The following ARHGAP31 variants were observed in gnomAD, a reference collection of about 807,000 sequenced individuals.
ARHGAP31 encodes Rho GTPase activating protein 31, also known as rho GTPase-activating protein 31.
Under a neutral mutation model 113.9 loss-of-function variants are expected in ARHGAP31, and 34 were observed. That is an observed-to-expected ratio of 0.30 (90% CI 0.23 to 0.40). The LOEUF (loss-of-function observed/expected upper bound fraction) is 0.40, where lower values mean the gene tolerates loss of function less well. Ranked by LOEUF, ARHGAP31 falls within the 10% of genes least tolerant of loss-of-function variation. The pLI is 1.00. For missense variants in ARHGAP31, 1,548 were observed against 1,767.1 expected (o/e 0.88, Z 2.22); for synonymous variants, 650 against 684.8 (o/e 0.95, Z 0.79).
chr3:119,390,859 G>C lies in ARHGAP31; in HGVS notation c.757G>C (p.Ala253Pro). ...CATGAAGCTGGTGAGCCTTGAGGAAGCTCAAGCCCGCAGCCTGGCCACTAA... is the reference window on the plus strand; with the variant it reads ...CATGAAGCTGGTGAGCCTTGAGGAACCTCAAGCCCGCAGCCTGGCCACTAA... ...LPMKLVSLEE[A>P]QARSLATNHP... Residue 253 changes from alanine to proline, a missense_variant, in exon 7 of 12, where the codon GCT (alanine) becomes CCT (proline). By Grantham distance (27) the Ala-to-Pro change is conservative. Coordinates refer to ENST00000264245, the MANE Select transcript of ARHGAP31 (RefSeq NM_020754.4). 6.2e-7 allele frequency: 1 copy of C among 1,613,926 alleles called. No individual in the cohort carries two copies. The highest frequency in any genetic ancestry group is 8.5e-7 in the Non-Finnish European group (1 of 1,180,042).
intron 1 of ARHGAP31, among the ~76,000 whole-genome samples, chr3:119,323,476 C>G (rs1485789152): frequency 6.6e-6 from 1 of 152,186 alleles, no homozygotes; most frequent in Admixed American, 6.5e-5. Context: ...CGTTTCTTTC[C>G]TTTTTTCTTT....
intron 6 of ARHGAP31, among the ~76,000 whole-genome samples, chr3:119,387,909 G>A (rs961502755): frequency 6.6e-6 from 1 of 152,176 alleles, no homozygotes; most frequent in Non-Finnish European, 1.5e-5. Flanking sequence ...TGACTTGGGG[G>A]TATAATTTTG....
Position 119,408,198 on chromosome 3 carries a change from C to A in ARHGAP31, c.1646-1298C>A, listed in dbSNP as rs1342917572. 2.0e-5 allele frequency among the ~76,000 whole-genome samples: 3 copies of A among 152,132 alleles called. No homozygotes were observed. In the East Asian group the frequency reaches 5.8e-4, roughly 29 times the overall value. On this transcript the variant is annotated intron_variant, in intron 10 of 11. Coordinates refer to ENST00000264245, the MANE Select transcript of ARHGAP31 (RefSeq NM_020754.4). ...ATGGATTTTGGTATTGGGGGGAGGT[C>A]CTGGAACCAGTCGCCCCATGGATAC...
At chr3:119,309,054 C>T (rs545791661) in intron 1 of ARHGAP31, among the ~76,000 whole-genome samples, 30 of 152,248 alleles carry the variant, frequency 2.0e-4, no homozygotes, top group African/African-American at 7.0e-4. Flanking sequence ...GTTGCCCAGG[C>T]TGGTCTCAAA....
At chr3:119,392,436 A>G (rs2080512894) in intron 7 of ARHGAP31, among the ~76,000 whole-genome samples, 1 of 152,230 alleles carries the variant, frequency 6.6e-6, no homozygotes, top group Non-Finnish European at 1.5e-5. Context: ...TAACAGAGCG[A>G]GACCCTGTCT....
intron 1 of ARHGAP31, among the ~76,000 whole-genome samples, chr3:119,354,380 TAGAAAAGCAAAATTAAAAATAG>T (rs1205665394): frequency 2.0e-5 from 3 of 152,194 alleles, no homozygotes; most frequent in Non-Finnish European, 2.9e-5. Context: ...ACAGAAAATT[TAGAAAAGCAAAATTAAAAATAG>T]AGAAAAGCAA....
chr3:119,406,553 A>G (rs947971040), intron 10 of ARHGAP31, among the ~76,000 whole-genome samples: 1 of 152,202 alleles, frequency 6.6e-6, no homozygotes, highest in Non-Finnish European at 1.5e-5. Context: ...GTGAAGTTCT[A>G]TAGAGTCCAT....
In ARHGAP31 at chr3:119,359,410, A is replaced by AT. The variant is rs1242108452; in HGVS notation, c.101-5898dup. 9.2e-5 allele frequency among the ~76,000 whole-genome samples: 14 copies of AT among 151,788 alleles called. No homozygotes were observed. In the East Asian group the frequency reaches 1.2e-3, roughly 13 times the overall value. ...AGCCAAAGCCTCAACATATTTTTAA[A>AT]TTTTTTTTCTTAGAAAATTAGAAAG... On this transcript the variant is annotated intron_variant, in intron 1 of 11. Transcript: ENST00000264245.
At position 119,409,709 on chromosome 3, in the gene ARHGAP31, A is replaced by G. The variant is rs2080699175; in HGVS notation, c.1859A>G (p.Glu620Gly). The change falls in exon 11 of 12, where the codon GAG (glutamate) becomes GGG (glycine). Residue 620 changes from glutamate (E) to glycine (G), a missense_variant. By Grantham distance (98) the Glu-to-Gly change is moderately conservative. Transcript: ENST00000264245. ...GTGGAGGAGGGACGAGAGGCTGGTGAGATGGAGTCCAGCACCCTGCAGGAG... is the reference window on the plus strand; with the variant it reads ...GTGGAGGAGGGACGAGAGGCTGGTGGGATGGAGTCCAGCACCCTGCAGGAG... Reference protein sequence around the residue: ...KVVEEGREAGEMESSTLQESP... With the variant: ...KVVEEGREAGGMESSTLQESP... 1 of 1,609,898 alleles carries G rather than the reference A, an allele frequency of 6.2e-7. No homozygotes were observed. Among genetic ancestry groups the G allele is most frequent in the Non-Finnish European group, 8.5e-7 (1 of 1,178,380 alleles).
intron 1 of ARHGAP31, among the ~76,000 whole-genome samples, chr3:119,345,347 G>T (rs1296696811): frequency 6.6e-6 from 1 of 152,030 alleles, no homozygotes; most frequent in Admixed American, 6.6e-5. Context: ...AGCACAATCC[G>T]TAACTACACA....
intron 11 of ARHGAP31, 55 bp from the exon 12 acceptor site, chr3:119,413,800 AT>A (rs1403599674): frequency 6.2e-7 from 1 of 1,613,442 alleles, no homozygotes; most frequent in African/African-American, 1.3e-5. Flanking sequence ...GGAAACGCTG[AT>A]GTCAGCACCC....
chr3:119,369,207 C>T (rs1172901420), intron 3 of ARHGAP31, among the ~76,000 whole-genome samples: 1 of 152,146 alleles, frequency 6.6e-6, no homozygotes, highest in Non-Finnish European at 1.5e-5. Flanking sequence ...ATGGCTTGAA[C>T]ATTTGGCTGC....
chr3:119,296,391 G>C (rs1291346925), intron 1 of ARHGAP31, among the ~76,000 whole-genome samples: 4 of 152,178 alleles, frequency 2.6e-5, no homozygotes, highest in Non-Finnish European at 5.9e-5. Context: ...AAAATCACTT[G>C]GTTTGAGTTT....
intron 1 of ARHGAP31, among the ~76,000 whole-genome samples, chr3:119,346,657 T>C (rs2080060038): frequency 6.6e-6 from 1 of 152,228 alleles, no homozygotes; most frequent in Non-Finnish European, 1.5e-5. Context: ...AGGGTGTGTC[T>C]AAGCTTAAAT....
chr3:119,352,930 G>A (rs1057260048), intron 1 of ARHGAP31, among the ~76,000 whole-genome samples: 7 of 152,120 alleles, frequency 4.6e-5, no homozygotes, highest in African/African-American at 1.7e-4. Flanking sequence ...ATTATTTCTT[G>A]CCTTTCACCT....
intron 2 of ARHGAP31, among the ~76,000 whole-genome samples, chr3:119,367,865 G>GAAAAAAAAAAAAAAAAAAA (rs1421774014): frequency 9.0e-6 from 1 of 111,006 alleles, no homozygotes. Flanking sequence ...TCAAAAAAAA[G>GAAAAAAAAAAAAAAAAAAA]AAAAAAAAAA....
At chr3:119,333,094 C>T (rs967642385) in intron 1 of ARHGAP31, among the ~76,000 whole-genome samples, 2 of 152,164 alleles carry the variant, frequency 1.3e-5, no homozygotes, top group South Asian at 2.1e-4. Context: ...CGTCATCTAT[C>T]GCATTTTGCT....
intron 1 of ARHGAP31, among the ~76,000 whole-genome samples, chr3:119,295,883 A>C (rs953238504): frequency 6.6e-6 from 1 of 152,138 alleles, no homozygotes; most frequent in Admixed American, 6.5e-5. Flanking sequence ...AATCATAGGA[A>C]AGTTGGAAAA....
intron 1 of ARHGAP31, among the ~76,000 whole-genome samples, chr3:119,339,320 T>G (rs1367796183): frequency 6.6e-6 from 1 of 152,158 alleles, no homozygotes; most frequent in Non-Finnish European, 1.5e-5. Flanking sequence ...ATAAACAACA[T>G]AGCAAAGATG....
Sources: allele counts gnomAD v4.1 joint callset (sites outside exome capture counted in the v4.1 genomes callset), GRCh38; gene constraint gnomAD v4.1.1; transcripts MANE v1.5; gene names NCBI Gene and HGNC (gene_info 2026-07-23, HGNC 2026-07-21).